SCAF8: variants seen among roughly 807,000 people sequenced by gnomAD.
The protein encoded by SCAF8 is SR-related and CTD-associated factor 8.
SCAF8 carries 23 observed loss-of-function variants against 140.5 expected under a neutral mutation model. The observed-to-expected ratio is 0.16, with a 90% CI of 0.12 to 0.23. The LOEUF is 0.23. SCAF8 is among the 10% of genes least tolerant of loss of function. The probability of loss-of-function intolerance (pLI) is 1.00; values close to 1 mark genes in which losing one functional copy is unlikely to be tolerated. For missense variants in SCAF8, 1,397 were observed against 1,555.7 expected, an observed-to-expected ratio of 0.90 and a Z score of 1.72; for synonymous variants, 575 against 528.9, an observed-to-expected ratio of 1.09 and a Z score of -1.20.
At chr6:154,782,231 AC>A (rs1777106549) in intron 3 of SCAF8, among the ~76,000 whole-genome samples, 1 of 152,076 alleles carries the variant, frequency 6.6e-6, no homozygotes, top group Non-Finnish European at 1.5e-5. Flanking sequence ...ACGTGGCAAA[AC>A]CCTGTCCCAG....
chr6:154,784,120 G>GAGAGAGAGAGAGAT (rs1362230678), intron 3 of SCAF8, among the ~76,000 whole-genome samples: 2 of 106,832 alleles, frequency 1.9e-5, no homozygotes, highest in African/African-American at 3.2e-5. Context: ...GGTGTCTTGA[G>GAGAGAGAGAGAGAT]ATATATATAT....
intron 1 of SCAF8, among the ~76,000 whole-genome samples, chr6:154,752,894 T>C (rs140116452): frequency 7.2e-5 from 11 of 152,284 alleles, no homozygotes; most frequent in African/African-American, 2.6e-4. Flanking sequence ...GCCAGTATTT[T>C]AGACTAATAT....
intron 14 of SCAF8, among the ~76,000 whole-genome samples, chr6:154,819,158 A>G (rs1778341609): frequency 6.6e-6 from 1 of 152,052 alleles, no homozygotes; most frequent in African/African-American, 2.4e-5. Context: ...TATTTATCTT[A>G]TCAGTTTCTG....
intron 18 of SCAF8, among the ~76,000 whole-genome samples, chr6:154,830,090 A>G (rs760679687): frequency 6.6e-6 from 1 of 152,156 alleles, no homozygotes; most frequent in Non-Finnish European, 1.5e-5. Flanking sequence ...GAAAATCTGC[A>G]GTTAATTAAT....
At chr6:154,756,257 A>G (rs1045288690) in intron 1 of SCAF8, among the ~76,000 whole-genome samples, 2 of 152,226 alleles carry the variant, frequency 1.3e-5, no homozygotes, top group African/African-American at 4.8e-5. Flanking sequence ...AGTTTAATAC[A>G]TATATTTTGA....
At chr6:154,734,161 C>T (rs1055746054) in intron 1 of SCAF8, among the ~76,000 whole-genome samples, 1 of 152,156 alleles carries the variant, frequency 6.6e-6, no homozygotes, top group Non-Finnish European at 1.5e-5. Flanking sequence ...TCTGGCGTCT[C>T]CGGCGTCCTA....
intron 17 of SCAF8, 68 bp from the exon 18 acceptor site, chr6:154,827,104 T>TTGGAA: frequency 8.1e-7 from 1 of 1,236,468 alleles, no homozygotes; most frequent in South Asian, 1.3e-5. Flanking sequence ...TTTGTAGCTG[T>TTGGAA]TGGAATCTTT....
At chr6:154,744,253 C>T (rs1034732922) in intron 1 of SCAF8, among the ~76,000 whole-genome samples, 1 of 152,162 alleles carries the variant, frequency 6.6e-6, no homozygotes, top group Non-Finnish European at 1.5e-5. Context: ...GATTGCACCA[C>T]TGCACTCTAG....
intron 14 of SCAF8, 102 bp from the exon 15 acceptor site, chr6:154,820,075 T>C (rs1294813954): frequency 1.1e-6 from 1 of 886,430 alleles, no homozygotes; most frequent in African/African-American, 1.8e-5. Flanking sequence ...TAAAACCAAT[T>C]TTAATGTGTT....
intron 7 of SCAF8, among the ~76,000 whole-genome samples, chr6:154,802,377 T>TG (rs1777797062): frequency 6.6e-6 from 1 of 152,076 alleles, no homozygotes; most frequent in Non-Finnish European, 1.5e-5. Flanking sequence ...CCCAGCACTT[T>TG]GGGGGAGCGC....
chr6:154,832,495 A>G lies in SCAF8; in HGVS notation c.2916A>G (p.Pro972=). Reference sequence around the variant, plus strand: ...CACCACCCCGTGGACCTTTTCCTCCAGGAGATATTTTTAGTCAACCAGAAA... The same window carrying G: ...CACCACCCCGTGGACCTTTTCCTCCGGGAGATATTTTTAGTCAACCAGAAA... ...LHPPPRGPFP[P]GDIFSQPERP... The change falls in exon 20 of 20, where the codon CCA becomes CCG. Residue 972 remains proline, a synonymous_variant. Transcript: ENST00000367178. 1 of 1,613,882 alleles carries G rather than the reference A, an allele frequency of 6.2e-7. No homozygotes were observed. The highest frequency in any genetic ancestry group is 1.1e-5 in the South Asian group (1 of 91,054).
intron 2 of SCAF8, among the ~76,000 whole-genome samples, chr6:154,776,537 A>G (rs1192507739): frequency 6.6e-6 from 1 of 152,176 alleles, no homozygotes; most frequent in Non-Finnish European, 1.5e-5. Context: ...TATAGTAACA[A>G]AACAAAGAAC....
chr6:154,738,739 A>G (rs1476896824), intron 1 of SCAF8, among the ~76,000 whole-genome samples: 1 of 152,228 alleles, frequency 6.6e-6, no homozygotes, highest in East Asian at 1.9e-4. Context: ...AAAGGGTCGC[A>G]GATTGAACTG....
chr6:154,784,120 GATATATATATATATATATAT>G (rs72135986), intron 3 of SCAF8, among the ~76,000 whole-genome samples: 43 of 106,886 alleles, frequency 4.0e-4, no homozygotes, highest in Middle Eastern at 5.1e-3. Flanking sequence ...GGTGTCTTGA[GATATATATATATATATATAT>G]ATATATATAT....
rs552725274 is a variant in SCAF8 at position 154,822,134 on chromosome 6, A to G, written c.1793-142A>G. On this transcript the variant is annotated intron_variant, in intron 15 of 19. Coordinates refer to ENST00000367178, the MANE Select transcript of SCAF8 (RefSeq NM_014892.5). ...ATCAGATTAATCTGGGCAGAAATCT[A>G]GAGTGGCACCTACGGTTGTGGATAT... 4 of 750,100 alleles carry G rather than the reference A, an allele frequency of 5.3e-6. No homozygotes were observed. In the South Asian group the frequency reaches 1.1e-4, roughly 21 times the overall value. 46.5% of individuals were successfully genotyped at this position (750,100 alleles called of 1,614,324 possible).
In SCAF8 at chr6:154,812,292, C is replaced by CTTT. The variant is rs759236847; in HGVS notation, c.1420+2103_1420+2105dup. ...GGTGCCTACTTTGTCTCTATGTCAG[C>CTTT]TTTTTTTTTTTTTTTTTTTTTGCAA... On this transcript the variant is annotated intron_variant, in intron 12 of 19. Transcript: ENST00000367178. Among the ~76,000 whole-genome samples, 100 of 38,786 alleles carry CTTT rather than the reference C, an allele frequency of 2.6e-3. 4 individuals are homozygous for CTTT. The highest frequency in any genetic ancestry group is 6.0e-3 in the African/African-American group (63 of 10,456). 25.4% of individuals were successfully genotyped at this position (38,786 alleles called of 152,430 possible). A position where few individuals can be genotyped will look rare whatever the true frequency, so the allele number is the denominator to read the frequency against.
intron 4 of SCAF8, among the ~76,000 whole-genome samples, chr6:154,788,683 C>T (rs1777324223): frequency 6.6e-6 from 1 of 152,146 alleles, no homozygotes; most frequent in Admixed American, 6.5e-5. Flanking sequence ...TATTTAACTG[C>T]ATATTAAAAT....
At chr6:154,766,192 G>C (rs1182396415) in intron 1 of SCAF8, among the ~76,000 whole-genome samples, 1 of 152,108 alleles carries the variant, frequency 6.6e-6, no homozygotes, top group Non-Finnish European at 1.5e-5. Flanking sequence ...GGCTGAGGAA[G>C]GGAAAGAGGA....
At chr6:154,751,816 G>A (rs1034707867) in intron 1 of SCAF8, among the ~76,000 whole-genome samples, 3 of 152,088 alleles carry the variant, frequency 2.0e-5, no homozygotes, top group Admixed American at 6.5e-5. Context: ...TTAACTCTGG[G>A]ACAGAATAAG....
Sources: gnomAD v4.1 joint callset for allele counts (sites outside exome capture counted in the v4.1 genomes callset) on GRCh38, gnomAD v4.1.1 for gene constraint, MANE v1.5 for transcripts, NCBI Gene and HGNC (gene_info 2026-07-23, HGNC 2026-07-21) for gene names.